The following DHRSX variants were observed in gnomAD, a reference collection of about 807,000 sequenced individuals.
DHRSX encodes the protein dehydrogenase/reductase X-linked, also known as polyprenol dehydrogenase.
DHRSX carries 31 observed loss-of-function variants against 34.0 expected under a neutral mutation model. The observed-to-expected ratio is 0.91, with a 90% CI of 0.69 to 1.23. DHRSX has a LOEUF of 1.23. Among genes scored for constraint, DHRSX ranks in the 50% most tolerant of loss-of-function variants. The pLI is 0.00. For missense variants in DHRSX, 414 were observed against 428.1 expected, an observed-to-expected ratio of 0.97 and a Z score of 0.29; for synonymous variants, 201 against 183.8, an observed-to-expected ratio of 1.09 and a Z score of -0.76.
intron 4 of DHRSX, among the ~76,000 whole-genome samples, chrX:2,275,935 C>T (rs1388983567): frequency 3.3e-5 from 5 of 152,014 alleles, no homozygotes; most frequent in Non-Finnish European, 5.9e-5. Context: ...CCTCTGCCTC[C>T]CGGGTTCCAG....
intron 3 of DHRSX, among the ~76,000 whole-genome samples, chrX:2,311,549 G>C (rs1297531864): frequency 6.6e-6 from 1 of 152,096 alleles, no homozygotes; most frequent in Non-Finnish European, 1.5e-5. Flanking sequence ...TAAAATGAAA[G>C]CACCATTGAC....
chrX:2,271,196 A>G (rs1396365962), intron 4 of DHRSX, among the ~76,000 whole-genome samples: 1 of 152,246 alleles, frequency 6.6e-6, no homozygotes, highest in Non-Finnish European at 1.5e-5. Context: ...CGAACCCACC[A>G]GAAGGAAAAA....
intron 5 of DHRSX, among the ~76,000 whole-genome samples, chrX:2,252,343 A>C (rs1475007881): frequency 6.6e-6 from 1 of 152,146 alleles, no homozygotes; most frequent in African/African-American, 2.4e-5. Context: ...TAAACTGTAA[A>C]CCTCCAATTA....
At chrX:2,296,921 T>C (rs112118910) in intron 3 of DHRSX, among the ~76,000 whole-genome samples, 11 of 42,426 alleles carry the variant, frequency 2.6e-4, no homozygotes, top group African/African-American at 1.6e-3. Context: ...CCCAGGCAGA[T>C]AGGAATAGGA....
chrX:2,296,462 C>A (rs2041932685), intron 3 of DHRSX, among the ~76,000 whole-genome samples: 1 of 151,954 alleles, frequency 6.6e-6, no homozygotes, highest in Non-Finnish European at 1.5e-5. Flanking sequence ...AGACCCGAGG[C>A]AGACAGGAAT....
chrX:2,383,544 A>G (rs1461638981), intron 3 of DHRSX, among the ~76,000 whole-genome samples: 4 of 152,114 alleles, frequency 2.6e-5, no homozygotes, highest in African/African-American at 4.8e-5. Flanking sequence ...CATCAGAATC[A>G]CCATTATCAT....
chrX:2,457,909 G>A (rs907468884), intron 1 of DHRSX, among the ~76,000 whole-genome samples: 4 of 148,000 alleles, frequency 2.7e-5, no homozygotes, highest in African/African-American at 7.5e-5. Context: ...AATATGTTCC[G>A]TAAGCATGTA....
chrX:2,317,095 T>C (rs2042249398), intron 3 of DHRSX, among the ~76,000 whole-genome samples: 1 of 151,836 alleles, frequency 6.6e-6, no homozygotes, highest in African/African-American at 2.4e-5. Context: ...GTAGCTGGGA[T>C]TACAAGTGCA....
chrX:2,268,847 G>T (rs868722658), intron 4 of DHRSX, among the ~76,000 whole-genome samples: 1 of 152,170 alleles, frequency 6.6e-6, no homozygotes, highest in Non-Finnish European at 1.5e-5. Context: ...GAACATCTAC[G>T]TGTATTGCAC....
At chrX:2,471,606 G>GA (rs1417534628) in intron 1 of DHRSX, among the ~76,000 whole-genome samples, 1 of 150,430 alleles carries the variant, frequency 6.6e-6, no homozygotes, top group Non-Finnish European at 1.5e-5. Context: ...TCTACACTGT[G>GA]AAAAAAGATC....
chrX:2,264,916 G>A (rs1248159588), intron 5 of DHRSX, among the ~76,000 whole-genome samples: 5 of 89,420 alleles, frequency 5.6e-5, no homozygotes, highest in African/African-American at 3.8e-4. Context: ...GGGGCACTGT[G>A]CCCAGAGCAC....
At chrX:2,346,067 C>T (rs1001358316) in intron 3 of DHRSX, among the ~76,000 whole-genome samples, 24 of 152,122 alleles carry the variant, frequency 1.6e-4, no homozygotes, top group East Asian at 5.8e-4. Flanking sequence ...TTTAGGTGAA[C>T]GCCAAGGAGG....
At chrX:2,485,999 C>A (rs375570671) in intron 1 of DHRSX, among the ~76,000 whole-genome samples, 80 of 150,256 alleles carry the variant, frequency 5.3e-4, no homozygotes, top group African/African-American at 1.9e-3. Flanking sequence ...AGGAAGAGAC[C>A]ATGTGAGAGG....
At chrX:2,333,913 A>G (rs1462607694) in intron 3 of DHRSX, among the ~76,000 whole-genome samples, 2 of 152,134 alleles carry the variant, frequency 1.3e-5, no homozygotes, top group Non-Finnish European at 2.9e-5. Context: ...TGTTCCTGCA[A>G]AAAATAATAA....
Position 2,219,775 on chromosome X carries a change from G to A in DHRSX, c.*1266C>T, listed in dbSNP as rs2015484366. On this transcript the variant is annotated 3_prime_UTR_variant, in exon 7 of 7. Coordinates refer to ENST00000334651, the MANE Select transcript of DHRSX (RefSeq NM_145177.3). ...TGGTCATCAGTCTCACACATAAGGA[G>A]TGCAGGCTCGTAGGGTATACACAGT... is the stretch of plus-strand genomic sequence containing the variant. 6.6e-6 allele frequency: 1 copy of A among 152,190 alleles called. No individual in the cohort carries two copies. Among genetic ancestry groups the A allele is most frequent in the South Asian group, 2.1e-4 (1 of 4,828 alleles). The allele number at this position is 152,190 out of a possible 1,614,324, so 9.4% of individuals were successfully genotyped here. A position where few individuals can be genotyped will look rare whatever the true frequency, so the allele number is the denominator to read the frequency against.
intron 3 of DHRSX, among the ~76,000 whole-genome samples, chrX:2,403,811 A>T (rs140625537): frequency 6.6e-6 from 1 of 150,516 alleles, no homozygotes; most frequent in Admixed American, 6.6e-5. Context: ...AGCCGAGATC[A>T]CACCACTGCA....
chrX:2,464,654 GC>G (rs1394554712), intron 1 of DHRSX, among the ~76,000 whole-genome samples: 2 of 151,802 alleles, frequency 1.3e-5, no homozygotes, highest in Non-Finnish European at 2.9e-5. Context: ...AGGGAAGGCA[GC>G]CATGTACACA....
chrX:2,494,935 G>A (rs2045244825), intron 1 of DHRSX, among the ~76,000 whole-genome samples: 1 of 151,394 alleles, frequency 6.6e-6, no homozygotes, highest in African/African-American at 2.4e-5. Flanking sequence ...GAGCTCCCAG[G>A]ACCTGGAGCA....
intron 1 of DHRSX, among the ~76,000 whole-genome samples, chrX:2,499,714 C>T (rs2045367041): frequency 6.6e-6 from 1 of 152,144 alleles, no homozygotes; most frequent in Non-Finnish European, 1.5e-5. Flanking sequence ...TCAGACCAGC[C>T]TGGGCAACGT....
Sources: gnomAD v4.1 joint callset for allele counts (sites outside exome capture counted in the v4.1 genomes callset) on GRCh38, gnomAD v4.1.1 for gene constraint, MANE v1.5 for transcripts, NCBI Gene and HGNC (gene_info 2026-07-23, HGNC 2026-07-21) for gene names.